The following PARPBP variants were observed in gnomAD, a reference collection of about 807,000 sequenced individuals.
PARPBP encodes PARP1 binding protein.
In PARPBP, 52 loss-of-function variants were observed where a neutral mutation model predicts 50.0. That is an observed-to-expected ratio of 1.04 (90% confidence interval 0.83 to 1.31). PARPBP has a LOEUF of 1.31. Among genes scored for constraint, PARPBP ranks in the 50% most tolerant of loss-of-function variants. The pLI, the probability that PARPBP is intolerant of heterozygous loss-of-function variation, is 0.00. For missense variants in PARPBP, 697 were observed against 672.0 expected (o/e 1.04, Z -0.41); for synonymous variants, 244 against 232.1 (o/e 1.05, Z -0.47).
intron 4 of PARPBP, among the ~76,000 whole-genome samples, chr12:102,156,440 C>T (rs1215615249): frequency 6.6e-6 from 1 of 151,814 alleles, no homozygotes; most frequent in Non-Finnish European, 1.5e-5. Flanking sequence ...GATCCGCCCA[C>T]CTTGGCCTCC....
intron 9 of PARPBP, among the ~76,000 whole-genome samples, chr12:102,183,032 A>G (rs1889984630): frequency 6.6e-6 from 1 of 152,206 alleles, no homozygotes; most frequent in African/African-American, 2.4e-5. Flanking sequence ...ATAATTAATT[A>G]TAGATTGAGC....
At position 102,148,402 on chromosome 12, in the gene PARPBP, A is replaced by G. The variant is rs1885719417; in HGVS notation, c.326A>G (p.Asp109Gly). The G allele has an allele frequency of 6.4e-7, 1 of 1,573,342 alleles. No homozygotes were observed. The highest frequency in any genetic ancestry group is 8.7e-7 in the Non-Finnish European group (1 of 1,144,438). ...AACAGTAATATGTTAGATCTGATTGATGTTTATCAAAAATGTAGGGCTTTG... is the reference window on the plus strand; with the variant it reads ...AACAGTAATATGTTAGATCTGATTGGTGTTTATCAAAAATGTAGGGCTTTG... Reference protein sequence around the residue: ...LKNSNMLDLIDVYQKCRALTS... With the variant: ...LKNSNMLDLIGVYQKCRALTS... Residue 109 changes from aspartate (D) to glycine (G), a missense_variant, in exon 3 of 11, where the codon GAT becomes GGT. Transcript: ENST00000327680.
chr12:102,158,623 T>TC (rs1452701138), intron 4 of PARPBP, among the ~76,000 whole-genome samples: 1 of 152,110 alleles, frequency 6.6e-6, no homozygotes, highest in African/African-American at 2.4e-5. Context: ...CACTTACATT[T>TC]CCTTTCTTTT....
At chr12:102,123,077 A>C (rs1362841809) in intron 1 of PARPBP, among the ~76,000 whole-genome samples, 1 of 152,208 alleles carries the variant, frequency 6.6e-6, no homozygotes, top group African/African-American at 2.4e-5. Context: ...GGTGGTGACA[A>C]CACATGTGAA....
chr12:102,182,407 A>T (rs1889911873), intron 8 of PARPBP, 142 bp from the exon 9 acceptor site: 1 of 610,584 alleles, frequency 1.6e-6, no homozygotes, highest in African/African-American at 1.9e-5. Context: ...TTAATTTATG[A>T]TGAGTTTATC....
intron 9 of PARPBP, among the ~76,000 whole-genome samples, chr12:102,192,722 T>C (rs1383075230): frequency 1.3e-5 from 2 of 152,066 alleles, no homozygotes; most frequent in African/African-American, 4.8e-5. Flanking sequence ...TTATTTGTTA[T>C]TCCTCCCAGC....
chr12:102,186,969 T>TTTGG lies in PARPBP; in HGVS notation c.1263+4344_1263+4345insGGTT, dbSNP rs1296616453. 1.6e-3 allele frequency among the ~76,000 whole-genome samples: 248 copies of TTTGG among 152,300 alleles called. 1 individual carries two copies. The highest frequency in any genetic ancestry group is 2.8e-3 in the Non-Finnish European group (188 of 68,012). ...AATGCCTATGGTATTAACAAATTCTTTTATTTAACCCCATGGTATTAGAAA... is the reference window on the plus strand; with the variant it reads ...AATGCCTATGGTATTAACAAATTCTTTTGGTTATTTAACCCCATGGTATTAGAAA... On this transcript the variant is annotated intron_variant, in intron 9 of 10. Coordinates refer to ENST00000327680, the MANE Select transcript of PARPBP (RefSeq NM_017915.5).
chr12:102,176,686 T>G (rs1229161790), intron 7 of PARPBP, among the ~76,000 whole-genome samples: 1 of 152,246 alleles, frequency 6.6e-6, no homozygotes, highest in Non-Finnish European at 1.5e-5. Context: ...TAGGTATGAT[T>G]ATGGTAGCCA....
rs759388854 is a variant in PARPBP at position 102,175,482 on chromosome 12, G to A, written c.822-1G>A. 3.9e-5 allele frequency: 62 copies of A among 1,606,318 alleles called. No homozygotes were observed. Among genetic ancestry groups the A allele is most frequent in the Non-Finnish European group, 4.9e-5 (57 of 1,174,504 alleles). The stretch of plus-strand genomic sequence containing the variant: ...AGAGGCAATCTAATTTCTATTTTCA[G>A]CATTGCAGGGGGTCAAATACTGTCA... On this transcript the variant is annotated splice_acceptor_variant, in intron 6 of 10. Coordinates refer to ENST00000327680, the MANE Select transcript of PARPBP (RefSeq NM_017915.5). LOFTEE classifies it high-confidence loss of function.
intron 4 of PARPBP, among the ~76,000 whole-genome samples, chr12:102,154,471 A>G (rs1190830048): frequency 6.6e-6 from 1 of 152,160 alleles, no homozygotes; most frequent in Non-Finnish European, 1.5e-5. Context: ...TATGCTGGGT[A>G]CCTAAACATA....
At position 102,175,506 on chromosome 12, in the gene PARPBP, C is replaced by A; in HGVS notation, c.845C>A (p.Ser282Ter). Residue 282 changes from serine (S) to a stop codon, truncating the protein, a stop_gained, in exon 7 of 11, where the codon TCA (serine) becomes TAA (stop). Transcript: ENST00000327680. LOFTEE classifies it high-confidence loss of function. ...AGCATTGCAGGGGGTCAAATACTGT[C>A]AGTGATAAAGATGCAACTGATTAAA... ...NPSIAGGQILSVIKMQLIKGQ... is the reference protein window; with the variant it reads ...NPSIAGGQIL 6.2e-7 allele frequency: 1 copy of A among 1,612,936 alleles called. No homozygotes were observed. Among genetic ancestry groups the A allele is most frequent in the South Asian group, 1.1e-5 (1 of 90,980 alleles).
chr12:102,193,538 A>T (rs1509669), intron 9 of PARPBP, among the ~76,000 whole-genome samples: 15,224 of 152,026 alleles, frequency 0.1, 852 homozygotes, highest in Non-Finnish European at 0.12. Flanking sequence ...CAATAAGTTT[A>T]TAATTCTCTA....
intron 6 of PARPBP, among the ~76,000 whole-genome samples, chr12:102,174,558 T>C (rs909220446): frequency 6.6e-6 from 1 of 152,214 alleles, no homozygotes; most frequent in Non-Finnish European, 1.5e-5. Context: ...AGCTGTGATA[T>C]GTGCTCAGGC....
chr12:102,197,092 C>T lies in PARPBP; in HGVS notation c.*801C>T, dbSNP rs747316171. ...ATTCTCAGCTGGGAAAGCTACAGAT[C>T]CTTTTAGTGCAAGATAAGGTTTTAT... On this transcript the variant is annotated 3_prime_UTR_variant, in exon 11 of 11. Transcript: ENST00000327680. 1.9e-6 allele frequency: 3 copies of T among 1,612,062 alleles called. No individual in the cohort carries two copies. In the Admixed American group the frequency reaches 5.0e-5, roughly 27 times the overall value.
In PARPBP at chr12:102,196,831, A is replaced by T. The variant is rs960724715; in HGVS notation, c.*540A>T. 4.5e-5 allele frequency: 47 copies of T among 1,034,922 alleles called. No individual in the cohort carries two copies. In the African/African-American group the frequency reaches 7.1e-4, roughly 16 times the overall value. 64.1% of individuals were successfully genotyped at this position (1,034,922 alleles called of 1,614,324 possible). On this transcript the variant is annotated 3_prime_UTR_variant, in exon 11 of 11. Coordinates refer to ENST00000327680, the MANE Select transcript of PARPBP (RefSeq NM_017915.5). ...AAAATGATAATAATTAATTGTTGCT[A>T]TTTAATCCCACATTTTTGGCAGGTG...
intron 9 of PARPBP, among the ~76,000 whole-genome samples, chr12:102,184,046 G>GGA (rs745308818): frequency 3.5e-4 from 21 of 59,952 alleles, no homozygotes; most frequent in African/African-American, 1.3e-3. Context: ...GACTCTATCT[G>GGA]AAAAAAAAAA....
intron 2 of PARPBP, among the ~76,000 whole-genome samples, chr12:102,135,921 C>T (rs1452939710): frequency 6.6e-6 from 1 of 152,192 alleles, no homozygotes; most frequent in African/African-American, 2.4e-5. Flanking sequence ...TCACTGGATG[C>T]ATTTCCCTTA....
chr12:102,169,805 G>A (rs1335582897), intron 6 of PARPBP, among the ~76,000 whole-genome samples: 1 of 152,018 alleles, frequency 6.6e-6, no homozygotes, highest in Non-Finnish European at 1.5e-5. Flanking sequence ...TAAAGCTTCA[G>A]GAACCTCAAT....
chr12:102,158,830 G>A (rs918032843), intron 4 of PARPBP, among the ~76,000 whole-genome samples: 7 of 152,062 alleles, frequency 4.6e-5, no homozygotes, highest in Non-Finnish European at 1.0e-4. Flanking sequence ...ATTTGTATAT[G>A]TGAAAAGAAT....
Sources: gnomAD v4.1 joint callset for allele counts (sites outside exome capture counted in the v4.1 genomes callset) on GRCh38, gnomAD v4.1.1 for gene constraint, MANE v1.5 for transcripts, NCBI Gene and HGNC (gene_info 2026-07-23, HGNC 2026-07-21) for gene names.